The following CPLANE1 variants were observed in gnomAD, a reference collection of about 807,000 sequenced individuals.
CPLANE1 encodes the protein ciliogenesis and planar polarity effector complex subunit 1, also known as ciliogenesis and planar polarity effector 1.
CPLANE1 carries 263 observed loss-of-function variants against 362.5 expected under a neutral mutation model. The observed-to-expected ratio is 0.73, with a 90% CI of 0.66 to 0.80. The LOEUF is 0.80. Ranked by LOEUF, CPLANE1 falls within the 30% of genes least tolerant of loss-of-function variation. The pLI, the probability that CPLANE1 is intolerant of heterozygous loss-of-function variation, is 0.00. For synonymous variants in CPLANE1, 1,212 were observed against 1,302.6 expected (o/e 0.93, Z 1.50); for missense variants, 3,461 against 3,793.4 (o/e 0.91, Z 2.30).
At chr5:37,104,587 G>A (rs1455387643), downstream of CPLANE1, among the ~76,000 whole-genome samples, 1 of 142,144 alleles carries the variant, frequency 7.0e-6, no homozygotes, top group African/African-American at 2.6e-5. Flanking sequence ...GTGACAGAGT[G>A]AAACTCTGTC....
the CPLANE1 span, among the ~76,000 whole-genome samples, chr5:37,087,188 G>T: frequency 6.6e-6 from 1 of 152,116 alleles, no homozygotes; most frequent in Admixed American, 6.6e-5. Flanking sequence ...AGAATGCTGG[G>T]AACAAGTGGG....
At chr5:37,225,440 G>T (rs1196514312) in intron 12 of CPLANE1, among the ~76,000 whole-genome samples, 1 of 151,692 alleles carries the variant, frequency 6.6e-6, no homozygotes, top group East Asian at 2.0e-4. Flanking sequence ...GAGTTTCATC[G>T]TGTTGCCCAA....
intron 25 of CPLANE1, among the ~76,000 whole-genome samples, chr5:37,184,144 A>G (rs992182730): frequency 1.3e-5 from 2 of 152,172 alleles, no homozygotes; most frequent in Admixed American, 1.3e-4. Flanking sequence ...CATGTGTAAT[A>G]AGCAAGACTG....
At chr5:37,178,966 G>A (rs1366888343) in intron 29 of CPLANE1, among the ~76,000 whole-genome samples, 1 of 152,052 alleles carries the variant, frequency 6.6e-6, no homozygotes, top group Non-Finnish European at 1.5e-5. Flanking sequence ...TTGTTCTCTT[G>A]ACCAGGCTGG....
intron 16 of CPLANE1, chr5:37,211,611 G>A: frequency 2.3e-6 from 2 of 866,072 alleles, no homozygotes; most frequent in Non-Finnish European, 4.0e-6. Context: ...CCTTGAAAGT[G>A]AAATATATCT....
At position 37,227,049 on chromosome 5, in the gene CPLANE1, C is replaced by T. The variant is rs772553650; in HGVS notation, c.1546G>A (p.Glu516Lys). ...AAGTTGTCTGGAAAGTGTCTGCCTT[C>T]GTTAGTTTCTTCTGCTTCAAAATCC... ...FQDFEAEETNEGRHFPDNLCP... is the reference protein window; with the variant it reads ...FQDFEAEETNKGRHFPDNLCP... Residue 516 changes from glutamate to lysine, a missense_variant, in exon 12 of 53, where the codon GAA becomes AAA. Physicochemically the swap from Glu to Lys is moderately conservative, Grantham distance 56 (BLOSUM62 1). Coordinates refer to ENST00000651892, the MANE Select transcript of CPLANE1 (RefSeq NM_001384732.1). The T allele has an allele frequency of 2.8e-5, 44 of 1,546,044 alleles. No individual in the cohort carries two copies. Among genetic ancestry groups the T allele is most frequent in the South Asian group, 2.3e-4 (19 of 82,888 alleles).
Position 37,224,610 on chromosome 5 carries a change from G to C in CPLANE1, c.2422C>G (p.Leu808Val), listed in dbSNP as rs1290864107. 11 of 1,551,278 alleles carry C rather than the reference G, an allele frequency of 7.1e-6. No individual in the cohort carries two copies. Among genetic ancestry groups the C allele is most frequent in the Non-Finnish European group, 9.6e-6 (11 of 1,146,786 alleles). Residue 808 changes from leucine to valine, a missense_variant, in exon 13 of 53, where the codon CTG (leucine) becomes GTG (valine). By Grantham distance (32) the Leu-to-Val change is conservative (BLOSUM62 1). Transcript: ENST00000651892. ...MTHEASTVKS[L>V]LCHLQANLQS... is the part of the protein sequence containing the mutation. Reference sequence around the variant, plus strand: ...AGGTTAGCCTGCAAATGACATAACAGGGACTTGACAGTAGATGCTTCATGT... The same window carrying C: ...AGGTTAGCCTGCAAATGACATAACACGGACTTGACAGTAGATGCTTCATGT...
At chr5:37,215,653 G>A (rs1793842969) in intron 15 of CPLANE1, among the ~76,000 whole-genome samples, 1 of 151,374 alleles carries the variant, frequency 6.6e-6, no homozygotes, top group Non-Finnish European at 1.5e-5. Flanking sequence ...TTTTTTAAAT[G>A]GAGGTATCTA....
At chr5:37,175,633 C>T (rs1369629621) in intron 31 of CPLANE1, among the ~76,000 whole-genome samples, 2 of 152,180 alleles carry the variant, frequency 1.3e-5, no homozygotes, top group African/African-American at 4.8e-5. Context: ...ACAACTTCAT[C>T]TTTCAATAAT....
At chr5:37,221,834 C>T (rs1483325002) in intron 14 of CPLANE1, among the ~76,000 whole-genome samples, 4 of 151,696 alleles carry the variant, frequency 2.6e-5, no homozygotes, top group African/African-American at 7.3e-5. Flanking sequence ...AAATTCTAAA[C>T]AATTTATTTT....
chr5:37,116,685 G>A (rs1761105571), intron 50 of CPLANE1, among the ~76,000 whole-genome samples: 1 of 151,934 alleles, frequency 6.6e-6, no homozygotes, highest in Non-Finnish European at 1.5e-5. Flanking sequence ...ACTACATACT[G>A]CTTTACAAGA....
In CPLANE1 at chr5:37,153,822, T is replaced by C. The variant is rs754236106; in HGVS notation, c.8291A>G (p.Gln2764Arg). The C allele has an allele frequency of 2.5e-6, 4 of 1,614,052 alleles. No individual in the cohort carries two copies. Among genetic ancestry groups the C allele is most frequent in the Non-Finnish European group, 3.4e-6 (4 of 1,180,042 alleles). The change falls in exon 42 of 53, where the codon CAG becomes CGG. Residue 2764 changes from glutamine to arginine, a missense_variant. Coordinates refer to ENST00000651892, the MANE Select transcript of CPLANE1 (RefSeq NM_001384732.1). ...LSAKLQKIDE[Q>R]LLAIQNIAEN... ...AGCAATGTTCTGTATTGCTAGCAAC[T>C]GCTCGTCAATTTTCTGAAGCTTAGC... is the stretch of plus-strand genomic sequence containing the variant.
In CPLANE1 at chr5:37,173,908, A is replaced by G. The variant is rs1780455950; in HGVS notation, c.6018T>C (p.Val2006=). ...TGACTCCATTTGATATCAGAAGTGG[A>G]ACTGAGGAAGATTTTTCTTTATATG... ...ISTYKEKSSS[V]PLLISNGVNV... The change falls in exon 32 of 53, where the codon GTT becomes GTC. Residue 2006 remains valine, a synonymous_variant. Transcript: ENST00000651892. The G allele has an allele frequency of 6.2e-7, 1 of 1,614,138 alleles. No individual in the cohort carries two copies. Among genetic ancestry groups the G allele is most frequent in the East Asian group, 2.2e-5 (1 of 44,872 alleles).
At chr5:37,221,114 G>A (rs1201733937) in intron 15 of CPLANE1, among the ~76,000 whole-genome samples, 1 of 152,146 alleles carries the variant, frequency 6.6e-6, no homozygotes, top group East Asian at 1.9e-4. Flanking sequence ...CACCAGAGAG[G>A]TAGAACAACC....
At chr5:37,098,206 A>T in the CPLANE1 span, among the ~76,000 whole-genome samples, 3 of 151,874 alleles carry the variant, frequency 2.0e-5, no homozygotes, top group South Asian at 6.3e-4. Context: ...AGCCTGGCCA[A>T]GATGGTGAAA....
intron 50 of CPLANE1, among the ~76,000 whole-genome samples, chr5:37,117,904 T>C (rs1327526278): frequency 6.6e-6 from 1 of 152,246 alleles, no homozygotes; most frequent in Admixed American, 6.5e-5. Context: ...CATATTTCCA[T>C]ATAATTCAAG....
rs1362957375 is a variant in CPLANE1, at chr5:37,226,449, C to T, written c.2146G>A (p.Gly716Arg). ...QPEVISASAD[G>R]SKITAQDSLV... ...GAGTCTTGAGCTGTTATTTTACTTC[C>T]ATCAGCTGATGCTGAAATAACTTCA... Residue 716 changes from glycine (G) to arginine (R), a missense_variant, in exon 12 of 53, where the codon GGA (glycine) becomes AGA (arginine). By Grantham distance (125) the Gly-to-Arg change is moderately radical. This residue lies in a region of CPLANE1 where 3,380 missense variants were observed against 3,666.1 expected (regional missense o/e 0.92). Coordinates refer to ENST00000651892, the MANE Select transcript of CPLANE1 (RefSeq NM_001384732.1). 6.4e-7 allele frequency: 1 copy of T among 1,550,988 alleles called. No individual in the cohort carries two copies. Among genetic ancestry groups the T allele is most frequent in the Non-Finnish European group, 8.7e-7 (1 of 1,146,726 alleles).
At chr5:37,196,630 C>CT (rs980273478) in intron 20 of CPLANE1, among the ~76,000 whole-genome samples, 1 of 152,080 alleles carries the variant, frequency 6.6e-6, no homozygotes, top group Non-Finnish European at 1.5e-5. Flanking sequence ...AGATTCATTT[C>CT]TAAAAAAATT....
Position 37,121,740 on chromosome 5 carries a change from T to C in CPLANE1, c.9062A>G (p.Tyr3021Cys). The C allele has an allele frequency of 6.2e-7, 1 of 1,614,068 alleles. No individual in the cohort carries two copies. The highest frequency in any genetic ancestry group is 2.2e-5 in the East Asian group (1 of 44,886). ...AGATAACAGTTCATTCATCAGACCG[T>C]ACGCTTGTGAGATTCGACGACTATA... Reference protein sequence around the residue: ...EHYSRRISQAYGLMNELLSES... With the variant: ...EHYSRRISQACGLMNELLSES... Residue 3021 changes from tyrosine (Y) to cysteine (C), a missense_variant, in exon 49 of 53, where the codon TAC becomes TGC. By Grantham distance (194) the Tyr-to-Cys change is radical (BLOSUM62 -2). Coordinates refer to ENST00000651892, the MANE Select transcript of CPLANE1 (RefSeq NM_001384732.1).
Sources: gnomAD v4.1 joint callset for allele counts (sites outside exome capture counted in the v4.1 genomes callset) on GRCh38, gnomAD v4.1.1 for gene constraint, gnomAD v4.1.1 regional missense constraint, MANE v1.5 for transcripts, NCBI Gene and HGNC (gene_info 2026-07-23, HGNC 2026-07-21) for gene names.